The following OSBPL2 variants were observed in gnomAD, a reference collection of about 807,000 sequenced individuals.
OSBPL2 encodes the protein oxysterol-binding protein-related protein 2.
OSBPL2 carries 18 observed loss-of-function variants against 58.4 expected under a neutral mutation model. The observed-to-expected ratio is 0.31, with a 90% CI of 0.21 to 0.46. OSBPL2 has a LOEUF of 0.46. Ranked by LOEUF, OSBPL2 falls within the 20% of genes least tolerant of loss-of-function variation. OSBPL2 has a pLI of 1.00. For missense variants in OSBPL2, 461 were observed against 616.5 expected (o/e 0.75, Z 2.67); for synonymous variants, 221 against 234.1 (o/e 0.94, Z 0.51).
At chr20:62,286,761 A>C in intron 11 of OSBPL2, 50 bp downstream of exon 11, 1 of 1,570,622 alleles carries the variant, frequency 6.4e-7, no homozygotes, top group Non-Finnish European at 8.7e-7. Flanking sequence ...TGTCACACCC[A>C]CCTCTGGGCC....
chr20:62,272,401 C>T (rs1167129222), intron 5 of OSBPL2, 142 bp downstream of exon 5: 27 of 901,658 alleles, frequency 3.0e-5, no homozygotes, highest in East Asian at 1.4e-4. Flanking sequence ...GCCTGGCGGT[C>T]GTGGCATTTG....
chr20:62,259,912 T>C, intron 2 of OSBPL2, 69 bp from the exon 3 acceptor site: 1 of 1,446,656 alleles, frequency 6.9e-7, no homozygotes, highest in South Asian at 1.2e-5. Flanking sequence ...ATAGTCAGAA[T>C]TCTTGGAGGT....
intron 4 of OSBPL2, among the ~76,000 whole-genome samples, chr20:62,266,616 C>T (rs1406803722): frequency 1.3e-5 from 2 of 152,134 alleles, no homozygotes. Context: ...GGCTGTGGCT[C>T]ATTCTGGATC....
At chr20:62,247,311 G>A (rs543152544) in intron 1 of OSBPL2, among the ~76,000 whole-genome samples, 10 of 152,300 alleles carry the variant, frequency 6.6e-5, no homozygotes, top group Non-Finnish European at 7.3e-5. Flanking sequence ...CTCTGGGGTC[G>A]CTTGCTCTGT....
intron 6 of OSBPL2, chr20:62,278,908 A>G: frequency 2.3e-6 from 1 of 442,932 alleles, no homozygotes; most frequent in Non-Finnish European, 3.9e-6. Context: ...GTGCAATGTC[A>G]TGTTTGTGTG....
At chr20:62,257,807 C>CG (rs1418907711) in intron 2 of OSBPL2, among the ~76,000 whole-genome samples, 1 of 151,714 alleles carries the variant, frequency 6.6e-6, no homozygotes, top group Admixed American at 6.6e-5. Flanking sequence ...CTCCTCCTCA[C>CG]GGGTTCAAGC....
At chr20:62,258,529 C>T (rs754075153) in intron 2 of OSBPL2, among the ~76,000 whole-genome samples, 27 of 152,144 alleles carry the variant, frequency 1.8e-4, no homozygotes, top group Non-Finnish European at 3.2e-4. Flanking sequence ...CCGAGGGAGC[C>T]GACGATAGGA....
chr20:62,293,361 A>G (rs923690804), intron 13 of OSBPL2, among the ~76,000 whole-genome samples: 3 of 152,084 alleles, frequency 2.0e-5, no homozygotes, highest in Admixed American at 6.5e-5. Context: ...GCCCTGTGCT[A>G]CCTTCTCTTT....
At position 62,289,308 on chromosome 20, in the gene OSBPL2, C is replaced by T. The variant is rs142461151; in HGVS notation, c.1227C>T (p.Arg409=). The T allele has an allele frequency of 2.5e-5, 41 of 1,612,964 alleles. No individual in the cohort carries two copies. The African/African-American group carries it at 3.7e-4, about 15-fold the overall frequency. Residue 409 remains arginine (R), a synonymous_variant, in exon 12 of 14, where the codon CGC becomes CGT. Coordinates refer to ENST00000313733, the MANE Select transcript of OSBPL2 (RefSeq NM_144498.4). ...PTDCRLRPDI[R]GMENGNMDLA... is the part of the protein sequence containing the mutation. ...ACTGCCGCCTGCGCCCTGACATCCGCGGCATGGAGAATGGCAACATGGGTG... is the reference window on the plus strand; with the variant it reads ...ACTGCCGCCTGCGCCCTGACATCCGTGGCATGGAGAATGGCAACATGGGTG...
At position 62,281,130 on chromosome 20, in the gene OSBPL2, A is replaced by T. The variant is rs774768278; in HGVS notation, c.747A>T (p.Ile249=). Residue 249 remains isoleucine, a synonymous_variant, in exon 8 of 14, where the codon ATA becomes ATT. Coordinates refer to ENST00000313733, the MANE Select transcript of OSBPL2 (RefSeq NM_144498.4). ...ACGTCATCATCGGGAAGCTGTGGAT[A>T]GAGCAGTATGGGACAGTGGAGATTT... ...VHNVIIGKLW[I]EQYGTVEILN... The T allele has an allele frequency of 2.5e-6, 4 of 1,614,066 alleles. No individual in the cohort carries two copies. The African/African-American group carries it at 5.3e-5, about 22-fold the overall frequency.
At chr20:62,277,187 T>C (rs965112906) in intron 6 of OSBPL2, among the ~76,000 whole-genome samples, 4 of 151,894 alleles carry the variant, frequency 2.6e-5, no homozygotes, top group African/African-American at 9.7e-5. Context: ...GAGGCGGAGG[T>C]TGCAGTGAGC....
intron 4 of OSBPL2, among the ~76,000 whole-genome samples, chr20:62,268,887 C>G (rs187091317): frequency 6.6e-6 from 1 of 152,128 alleles, no homozygotes; most frequent in Non-Finnish European, 1.5e-5. Context: ...GAAACCCTGT[C>G]TCTACTAAAA....
At chr20:62,253,204 C>G (rs996452426) in intron 1 of OSBPL2, among the ~76,000 whole-genome samples, 6 of 152,282 alleles carry the variant, frequency 3.9e-5, no homozygotes, top group African/African-American at 1.4e-4. Context: ...CCTTGTTCAT[C>G]CATTTGCTGG....
chr20:62,258,870 T>A (rs1981109291), intron 2 of OSBPL2: 1 of 152,234 alleles, frequency 6.6e-6, no homozygotes, highest in African/African-American at 2.4e-5. Flanking sequence ...ACATGAGAGA[T>A]GGCAGGGTAT....
At chr20:62,248,015 T>C (rs1980252186) in intron 1 of OSBPL2, among the ~76,000 whole-genome samples, 1 of 152,152 alleles carries the variant, frequency 6.6e-6, no homozygotes, top group African/African-American at 2.4e-5. Flanking sequence ...GTGGGAACGT[T>C]TTCCCTTTCA....
intron 4 of OSBPL2, among the ~76,000 whole-genome samples, chr20:62,264,013 C>G (rs1386698063): frequency 6.0e-5 from 9 of 149,112 alleles, no homozygotes; most frequent in African/African-American, 2.2e-4. Context: ...TGCAGTGAGC[C>G]GAGATCGTGC....
intron 1 of OSBPL2, among the ~76,000 whole-genome samples, chr20:62,239,438 G>C (rs1351007660): frequency 2.0e-5 from 3 of 152,194 alleles, no homozygotes; most frequent in Non-Finnish European, 4.4e-5. Context: ...CGACGAGGCA[G>C]TGGGTGTCGG....
chr20:62,240,369 A>G (rs1979647360), intron 1 of OSBPL2, among the ~76,000 whole-genome samples: 1 of 152,206 alleles, frequency 6.6e-6, no homozygotes, highest in Admixed American at 6.5e-5. Context: ...GTGTCCATCT[A>G]TTAATGACAG....
intron 9 of OSBPL2, among the ~76,000 whole-genome samples, chr20:62,282,752 G>T (rs774862817): frequency 3.9e-5 from 6 of 152,224 alleles, no homozygotes; most frequent in Non-Finnish European, 8.8e-5. Context: ...TCTTGAGCCT[G>T]GGAGATGGAG....
Sources: gnomAD v4.1 joint callset for allele counts (sites outside exome capture counted in the v4.1 genomes callset) on GRCh38, gnomAD v4.1.1 for gene constraint, MANE v1.5 for transcripts, NCBI Gene and HGNC (gene_info 2026-07-23, HGNC 2026-07-21) for gene names.